The following PCSK5 variants were observed in gnomAD, a reference collection of about 807,000 sequenced individuals.
PCSK5 encodes the protein prohormone convertase 5.
A neutral mutation model predicts 233.2 loss-of-function variants in PCSK5; 129 were observed. The ratio of observed to expected loss-of-function variants is 0.55; its 90% CI spans 0.48 to 0.64. The LOEUF is 0.64. PCSK5 is among the 30% of genes least tolerant of loss of function. The pLI is 0.00. For missense variants in PCSK5, 2,076 were observed against 2,430.1 expected (o/e 0.85, Z 3.06); for synonymous variants, 825 against 879.2 (o/e 0.94, Z 1.09).
At chr9:76,100,890 G>A (rs1831726436) in intron 8 of PCSK5, among the ~76,000 whole-genome samples, 1 of 152,092 alleles carries the variant, frequency 6.6e-6, no homozygotes, top group African/African-American at 2.4e-5. Context: ...TTTTCTGTAT[G>A]ATGTTCAAAC....
chr9:76,317,247 C>T (rs1829060330), intron 30 of PCSK5, among the ~76,000 whole-genome samples: 2 of 151,988 alleles, frequency 1.3e-5, no homozygotes, highest in African/African-American at 4.8e-5. Flanking sequence ...CCTGTAGTCC[C>T]AGCTACTCAG....
intron 20 of PCSK5, among the ~76,000 whole-genome samples, chr9:76,212,408 G>C (rs948809130): frequency 6.6e-6 from 1 of 152,218 alleles, no homozygotes; most frequent in African/African-American, 2.4e-5. Flanking sequence ...CACAAGAGTT[G>C]TGTGTTAGAG....
chr9:75,934,575 G>GT (rs796377889), intron 2 of PCSK5, among the ~76,000 whole-genome samples: 85 of 140,216 alleles, frequency 6.1e-4, no homozygotes, highest in South Asian at 1.6e-3. Context: ...AAGTTTTTTT[G>GT]TTTTTTTTTT....
chr9:76,075,934 T>C lies in PCSK5; in HGVS notation c.894+4036T>C, dbSNP rs555007935. On this transcript the variant is annotated intron_variant, in intron 7 of 37. Coordinates refer to ENST00000674117, the MANE Select transcript of PCSK5 (RefSeq NM_001372043.1). ...TATGTAATACATAAAAGTTCCTACA[T>C]TCTAGCAACAAAACAGGAAACAAGG... Among the ~76,000 whole-genome samples the C allele has an allele frequency of 9.8e-5, 15 of 152,302 alleles. No individual in the cohort carries two copies. The South Asian group carries it at 3.1e-3, about 32-fold the overall frequency.
intron 20 of PCSK5, among the ~76,000 whole-genome samples, chr9:76,201,566 C>T (rs368685927): frequency 4.6e-5 from 7 of 152,258 alleles, no homozygotes; most frequent in African/African-American, 1.4e-4. Context: ...GAGTGTGCGA[C>T]GGGTTTCTAT....
chr9:76,171,943 G>A (rs191165996), intron 13 of PCSK5, among the ~76,000 whole-genome samples: 42 of 152,204 alleles, frequency 2.8e-4, no homozygotes, highest in African/African-American at 1.0e-3. Context: ...GGGGGGGTGT[G>A]TGTGTGTATG....
At chr9:76,083,425 T>C (rs942873124) in intron 7 of PCSK5, among the ~76,000 whole-genome samples, 1 of 152,166 alleles carries the variant, frequency 6.6e-6, no homozygotes, top group Non-Finnish European at 1.5e-5. Context: ...GCTTTAGTAA[T>C]ACCAATTAAA....
chr9:76,293,985 T>C (rs1828357459), intron 25 of PCSK5, among the ~76,000 whole-genome samples: 1 of 152,220 alleles, frequency 6.6e-6, no homozygotes, highest in South Asian at 2.1e-4. Flanking sequence ...TCACCTGAGG[T>C]CAGGAGTTTG....
chr9:76,022,635 G>C (rs549385215), intron 3 of PCSK5, among the ~76,000 whole-genome samples: 3 of 152,198 alleles, frequency 2.0e-5, no homozygotes, highest in African/African-American at 7.2e-5. Context: ...AATTGTGTGG[G>C]TTAGATGAAT....
chr9:76,122,736 C>T (rs967049977), intron 9 of PCSK5, among the ~76,000 whole-genome samples: 10 of 151,418 alleles, frequency 6.6e-5, no homozygotes, highest in East Asian at 1.9e-4. Context: ...ATAATGTAAA[C>T]GAATCCTATG....
chr9:75,940,405 G>A (rs546884055), intron 2 of PCSK5, among the ~76,000 whole-genome samples: 1 of 152,180 alleles, frequency 6.6e-6, no homozygotes, highest in Non-Finnish European at 1.5e-5. Context: ...TTATCCATAA[G>A]CCATTTCCTC....
At chr9:76,316,740 CAAAAAA>C (rs58485029) in intron 30 of PCSK5, among the ~76,000 whole-genome samples, 211 of 64,626 alleles carry the variant, frequency 3.3e-3, no homozygotes, top group African/African-American at 0.012. Context: ...CTTGTCTCAC[CAAAAAA>C]AAAAAAAAAA....
intron 5 of PCSK5, among the ~76,000 whole-genome samples, chr9:76,040,395 C>CTCTCTGTCTCTCTG (rs1563988693): frequency 8.9e-6 from 1 of 111,926 alleles, no homozygotes; most frequent in East Asian, 3.1e-4. Context: ...GTCTCTCTCT[C>CTCTCTGTCTCTCTG]TCTCTCTCTC....
chr9:76,297,089 A>G (rs894003632), intron 27 of PCSK5, among the ~76,000 whole-genome samples: 5 of 152,170 alleles, frequency 3.3e-5, no homozygotes, highest in Non-Finnish European at 5.9e-5. Flanking sequence ...GAGAGCCCAA[A>G]GGGCAATTTA....
rs146876734 is a variant in PCSK5 at position 76,184,854 on chromosome 9, C to G, written c.2282+97C>G. On this transcript the variant is annotated intron_variant, in intron 17 of 37. Transcript: ENST00000674117. Reference sequence around the variant, plus strand: ...GATAAACAAGTAAATAAACAGCTCTCTTATGATCTACCCTGGGTTTGACTC... The same window carrying G: ...GATAAACAAGTAAATAAACAGCTCTGTTATGATCTACCCTGGGTTTGACTC... The G allele has an allele frequency of 1.0e-5, 7 of 691,080 alleles. No individual in the cohort carries two copies. The East Asian group carries it at 2.0e-4, about 20-fold the overall frequency. 42.8% of individuals were successfully genotyped at this position (691,080 alleles called of 1,614,324 possible).
chr9:76,001,182 G>A (rs543262772), intron 3 of PCSK5, among the ~76,000 whole-genome samples: 1 of 151,896 alleles, frequency 6.6e-6, no homozygotes, highest in South Asian at 2.1e-4. Context: ...TTTATCTCGC[G>A]CTGTGTACAA....
rs1234001308 is a variant in PCSK5 at position 76,362,875 on chromosome 9, T to C, written c.*3953T>C. On this transcript the variant is annotated 3_prime_UTR_variant, in exon 38 of 38. Coordinates refer to ENST00000674117, the MANE Select transcript of PCSK5 (RefSeq NM_001372043.1). ...TCTCACGTGGACCCCCTTAGAGTTG[T>C]GAGCCCTTAAAAGGGACAGGAATTG... is the stretch of plus-strand genomic sequence containing the variant. 1.3e-5 allele frequency among the ~76,000 whole-genome samples: 2 copies of C among 152,164 alleles called. No individual in the cohort carries two copies. The highest frequency in any genetic ancestry group is 3.2e-3 in the Middle Eastern group (1 of 316).
chr9:76,115,998 A>G (rs1163178484), intron 9 of PCSK5, among the ~76,000 whole-genome samples: 1 of 152,112 alleles, frequency 6.6e-6, no homozygotes, highest in Non-Finnish European at 1.5e-5. Flanking sequence ...AATTGTTCCT[A>G]GTGACACTGG....
At chr9:76,113,991 C>T (rs1832327835) in intron 9 of PCSK5, among the ~76,000 whole-genome samples, 1 of 152,032 alleles carries the variant, frequency 6.6e-6, no homozygotes, top group African/African-American at 2.4e-5. Flanking sequence ...GAAATACAAG[C>T]ATATGTGCCC....
Sources: gnomAD v4.1 joint callset for allele counts (sites outside exome capture counted in the v4.1 genomes callset) on GRCh38, gnomAD v4.1.1 for gene constraint, MANE v1.5 for transcripts, NCBI Gene and HGNC (gene_info 2026-07-23, HGNC 2026-07-21) for gene names.